RBFOX1: variants seen among roughly 807,000 people sequenced by gnomAD.
RBFOX1 encodes RNA binding fox-1 homolog 1.
RBFOX1 carries 8 observed loss-of-function variants against 57.7 expected under a neutral mutation model. The ratio of observed to expected loss-of-function variants is 0.14; its 90% CI spans 0.08 to 0.25. The LOEUF is 0.25. RBFOX1 is among the 10% of genes least tolerant of loss of function. The probability of loss-of-function intolerance (pLI) is 1.00; values close to 1 mark genes in which losing one functional copy is unlikely to be tolerated. For synonymous variants in RBFOX1, 326 were observed against 222.4 expected (o/e 1.47, Z -4.15); for missense variants, 611 against 548.5 (o/e 1.11, Z -1.14).
intron 14 of RBFOX1, among the ~76,000 whole-genome samples, chr16:7,690,819 G>A (rs2077155474): frequency 6.6e-6 from 1 of 152,064 alleles, no homozygotes; most frequent in African/African-American, 2.4e-5. Context: ...AATGTTCAAG[G>A]TGAAACAGCT....
At chr16:7,408,119 C>T (rs2098378202) in intron 4 of RBFOX1, among the ~76,000 whole-genome samples, 1 of 152,238 alleles carries the variant, frequency 6.6e-6, no homozygotes, top group Non-Finnish European at 1.5e-5. Flanking sequence ...ACAACACTCT[C>T]ACAACATGGG....
At chr16:5,366,333 G>T in intron 1 of RBFOX1, 1 of 351,960 alleles carries the variant, frequency 2.8e-6, no homozygotes, top group South Asian at 2.4e-5. Flanking sequence ...TGATGATTTT[G>T]ATGATGATGA....
At chr16:6,280,072 C>G (rs1187965790) in intron 1 of RBFOX1, among the ~76,000 whole-genome samples, 7 of 151,866 alleles carry the variant, frequency 4.6e-5, no homozygotes, top group Non-Finnish European at 8.8e-5. Context: ...CTAGAAAAGA[C>G]AGACTAATAC....
chr16:7,240,158 G>C (rs1352830943), intron 4 of RBFOX1, among the ~76,000 whole-genome samples: 4 of 151,986 alleles, frequency 2.6e-5, no homozygotes, highest in Non-Finnish European at 4.4e-5. Context: ...GTAGCGAAAG[G>C]GTTTCACCAT....
chr16:7,274,410 C>A (rs2095400352), intron 4 of RBFOX1, among the ~76,000 whole-genome samples: 1 of 152,052 alleles, frequency 6.6e-6, no homozygotes, highest in Non-Finnish European at 1.5e-5. Flanking sequence ...AAAGCACACC[C>A]CTCTCACACA....
chr16:7,590,063 C>G (rs1003794823), intron 7 of RBFOX1, among the ~76,000 whole-genome samples: 9 of 151,870 alleles, frequency 5.9e-5, no homozygotes, highest in Admixed American at 5.3e-4. Flanking sequence ...GCCAGGAGTT[C>G]AAGACCAGCC....
intron 9 of RBFOX1, among the ~76,000 whole-genome samples, chr16:7,603,904 C>T (rs545775402): frequency 4.5e-4 from 69 of 151,872 alleles, no homozygotes; most frequent in Non-Finnish European, 8.4e-4. Context: ...GCTTTGGTCA[C>T]CATGACCAGA....
chr16:5,820,410 C>G (rs1308578704), intron 3 of RBFOX1, among the ~76,000 whole-genome samples: 3 of 152,242 alleles, frequency 2.0e-5, no homozygotes, highest in East Asian at 3.9e-4. Flanking sequence ...TGAGGAAGGA[C>G]CATCCCGGTG....
At chr16:7,234,542 G>T (rs531261811) in intron 4 of RBFOX1, among the ~76,000 whole-genome samples, 49 of 151,810 alleles carry the variant, frequency 3.2e-4, no homozygotes, top group South Asian at 1.9e-3. Context: ...ATAGTATGAA[G>T]CATTTAACCA....
chr16:6,787,576 C>T (rs1319543271), intron 3 of RBFOX1, among the ~76,000 whole-genome samples: 1 of 152,128 alleles, frequency 6.6e-6, no homozygotes, highest in African/African-American at 2.4e-5. Flanking sequence ...AGCCGTAAAT[C>T]ACCTGTGACA....
intron 4 of RBFOX1, among the ~76,000 whole-genome samples, chr16:6,009,835 T>TGTGTGTGTGTGTG (rs71142664): frequency 1.3e-5 from 2 of 151,866 alleles, no homozygotes; most frequent in African/African-American, 4.8e-5. Context: ...TGTGTGTGTG[T>TGTGTGTGTGTGTG]ATAGGGGGAT....
intron 4 of RBFOX1, among the ~76,000 whole-genome samples, chr16:7,453,811 G>A (rs545888639): frequency 5.3e-5 from 8 of 152,174 alleles, no homozygotes; most frequent in Non-Finnish European, 1.0e-4. Context: ...GCACGGAGGA[G>A]CACCTTCAGC....
chr16:5,367,979 A>G lies in RBFOX1; in HGVS notation c.220-99237A>G, dbSNP rs151305435. Among the ~76,000 whole-genome samples, 8 of 152,242 alleles carry G rather than the reference A, an allele frequency of 5.3e-5. No individual in the cohort carries two copies. The East Asian group carries it at 1.5e-3, about 29-fold the overall frequency. ...GTTTCCCGTTCCTTATTCCAATGAGACGTTATGGGTTCCACGGGGGTTCTT... is the reference window on the plus strand; with the variant it reads ...GTTTCCCGTTCCTTATTCCAATGAGGCGTTATGGGTTCCACGGGGGTTCTT... On this transcript the variant is annotated intron_variant, in intron 1 of 2. Coordinates refer to the RBFOX1 transcript ENST00000585867.
Position 6,985,285 on chromosome 16 carries a change from A to G in RBFOX1, c.-15-66772A>G, listed in dbSNP as rs117702377. Among the ~76,000 whole-genome samples, 633 of 152,280 alleles carry G rather than the reference A, an allele frequency of 4.2e-3. 5 individuals carry two copies. The highest frequency in any genetic ancestry group is 7.8e-3 in the Non-Finnish European group (529 of 68,024). ...GGTAGGGAATATATCTTATGTTTTT[A>G]CATGTCCTTCAATTAATTTTGAAAT... On this transcript the variant is annotated intron_variant, in intron 3 of 15. Coordinates refer to ENST00000550418, the MANE Select transcript of RBFOX1 (RefSeq NM_018723.4).
At chr16:5,990,611 A>G (rs1422209415) in intron 4 of RBFOX1, among the ~76,000 whole-genome samples, 1 of 152,188 alleles carries the variant, frequency 6.6e-6, no homozygotes, top group African/African-American at 2.4e-5. Flanking sequence ...TTTTTCAGAG[A>G]GAGGCCTGGA....
At chr16:5,720,309 G>T (rs2051881410) in intron 3 of RBFOX1, among the ~76,000 whole-genome samples, 1 of 152,126 alleles carries the variant, frequency 6.6e-6, no homozygotes. Flanking sequence ...TTGTTTATAT[G>T]TTGTGGATCC....
At chr16:6,571,156 G>A (rs11863423) in intron 2 of RBFOX1, among the ~76,000 whole-genome samples, 5,161 of 152,206 alleles carry the variant, frequency 0.034, 293 homozygotes, top group African/African-American at 0.12. Flanking sequence ...CATATAGCCC[G>A]TAATTTGTTT....
chr16:6,825,277 T>C (rs1490704082), intron 3 of RBFOX1, among the ~76,000 whole-genome samples: 1 of 151,076 alleles, frequency 6.6e-6, no homozygotes, highest in Non-Finnish European at 1.5e-5. Context: ...CCTTCCCTAC[T>C]CTAGATGCCA....
intron 3 of RBFOX1, among the ~76,000 whole-genome samples, chr16:6,713,161 T>A (rs767010096): frequency 1.3e-5 from 2 of 152,098 alleles, no homozygotes; most frequent in South Asian, 2.1e-4. Context: ...AATATGCCAA[T>A]CTTTTGTTCC....
Sources: allele counts gnomAD v4.1 joint callset (sites outside exome capture counted in the v4.1 genomes callset), GRCh38; gene constraint gnomAD v4.1.1; transcripts MANE v1.5; gene names NCBI Gene and HGNC (gene_info 2026-07-23, HGNC 2026-07-21).